FTO: variants seen among roughly 807,000 people sequenced by gnomAD.
FTO encodes the protein FTO alpha-ketoglutarate dependent dioxygenase, also known as alpha-ketoglutarate-dependent dioxygenase FTO.
A neutral mutation model predicts 63.9 loss-of-function variants in FTO; 47 were observed. The observed-to-expected ratio is 0.74, with a 90% CI of 0.58 to 0.94. FTO has a LOEUF of 0.94. FTO is among the 40% of genes least tolerant of loss of function. The pLI is 0.00. For synonymous variants in FTO, 207 were observed against 224.4 expected, an observed-to-expected ratio of 0.92 and a Z score of 0.69; for missense variants, 562 against 618.1, an observed-to-expected ratio of 0.91 and a Z score of 0.96.
chr16:54,096,233 G>T (rs1293074335), intron 8 of FTO, among the ~76,000 whole-genome samples: 1 of 152,214 alleles, frequency 6.6e-6, no homozygotes, highest in Non-Finnish European at 1.5e-5. Context: ...ATTTATGTGG[G>T]ACAAAGCAAT....
chr16:53,906,581 A>G (rs896432700), intron 7 of FTO, among the ~76,000 whole-genome samples: 1 of 152,224 alleles, frequency 6.6e-6, no homozygotes, highest in Non-Finnish European at 1.5e-5. Flanking sequence ...GGAAGATGGT[A>G]GGATACATTT....
upstream of FTO, chr16:53,704,041 A>T (rs1029400160): frequency 2.2e-6 from 2 of 889,192 alleles, no homozygotes; most frequent in East Asian, 5.3e-5. Flanking sequence ...GCCGCGGTGC[A>T]TCCTGGGAGT....
intron 7 of FTO, among the ~76,000 whole-genome samples, chr16:53,892,346 A>G (rs1196849271): frequency 6.6e-6 from 1 of 152,146 alleles, no homozygotes; most frequent in Non-Finnish European, 1.5e-5. Context: ...AACTGTCAAG[A>G]ATTATCCCTG....
rs1313231412 is a variant in FTO at position 54,119,559 on chromosome 16, C to T, written c.*7644C>T. 1 of 151,980 alleles carries T rather than the reference C, an allele frequency of 6.6e-6. No individual in the cohort carries two copies. The highest frequency in any genetic ancestry group is 1.5e-5 in the Non-Finnish European group (1 of 67,988). 9.4% of individuals were successfully genotyped at this position (151,980 alleles called of 1,614,324 possible). On this transcript the variant is annotated 3_prime_UTR_variant, in exon 9 of 9. Coordinates refer to ENST00000471389, the MANE Select transcript of FTO (RefSeq NM_001080432.3). ...TCCCTCCTCTGCTCCCAACCAGGGTCACGCTGAGAGGGATCTCGGTGAACA... is the reference window on the plus strand; with the variant it reads ...TCCCTCCTCTGCTCCCAACCAGGGTTACGCTGAGAGGGATCTCGGTGAACA...
intron 8 of FTO, among the ~76,000 whole-genome samples, chr16:54,110,319 T>C (rs1224562800): frequency 6.6e-6 from 1 of 152,198 alleles, no homozygotes; most frequent in Non-Finnish European, 1.5e-5. Flanking sequence ...AATGAGAACA[T>C]TTAAACACAT....
chr16:54,024,932 C>A (rs1451635031), intron 8 of FTO, among the ~76,000 whole-genome samples: 20 of 152,292 alleles, frequency 1.3e-4, no homozygotes, highest in African/African-American at 4.8e-4. Flanking sequence ...TCAGTAACTT[C>A]TGTATTTAAT....
chr16:53,775,013 T>C (rs1234434798), intron 1 of FTO, among the ~76,000 whole-genome samples: 1 of 152,162 alleles, frequency 6.6e-6, no homozygotes, highest in African/African-American at 2.4e-5. Context: ...GATTCTCACA[T>C]GCCGCCATTA....
At chr16:53,797,494 A>G (rs1175845846) in intron 1 of FTO, among the ~76,000 whole-genome samples, 1 of 152,014 alleles carries the variant, frequency 6.6e-6, no homozygotes, top group African/African-American at 2.4e-5. Flanking sequence ...TCACTAATTC[A>G]TTCCTTTTTA....
intron 8 of FTO, among the ~76,000 whole-genome samples, chr16:54,102,097 C>G (rs1276484301): frequency 6.6e-6 from 1 of 152,128 alleles, no homozygotes; most frequent in Admixed American, 6.6e-5. Context: ...ACATTTTCTC[C>G]CATTCTGCAG....
intron 3 of FTO, among the ~76,000 whole-genome samples, chr16:53,836,243 T>C (rs1171470008): frequency 6.6e-6 from 1 of 152,194 alleles, no homozygotes; most frequent in African/African-American, 2.4e-5. Flanking sequence ...AACATACAGC[T>C]TGAAGAATTG....
chr16:53,975,380 T>G (rs2083413432), intron 8 of FTO, among the ~76,000 whole-genome samples: 1 of 152,120 alleles, frequency 6.6e-6, no homozygotes, highest in Non-Finnish European at 1.5e-5. Flanking sequence ...TCTTTAATAT[T>G]TTTTGACTTT....
intron 8 of FTO, among the ~76,000 whole-genome samples, chr16:54,073,728 A>C (rs1313256972): frequency 6.6e-6 from 1 of 151,990 alleles, no homozygotes; most frequent in African/African-American, 2.4e-5. Context: ...GATTACAAGC[A>C]TGTGCATTGC....
At chr16:54,024,904 A>G (rs1361536952) in intron 8 of FTO, among the ~76,000 whole-genome samples, 1 of 152,254 alleles carries the variant, frequency 6.6e-6, no homozygotes, top group East Asian at 1.9e-4. Flanking sequence ...GAAGCTAACT[A>G]GTCAATAGAT....
intron 2 of FTO, among the ~76,000 whole-genome samples, chr16:53,823,842 G>A (rs942603223): frequency 1.3e-5 from 2 of 152,036 alleles, no homozygotes; most frequent in African/African-American, 4.8e-5. Context: ...CCAAGATCAT[G>A]CCATTGCACT....
At chr16:53,885,065 C>G (rs1440852534) in intron 6 of FTO, among the ~76,000 whole-genome samples, 1 of 152,206 alleles carries the variant, frequency 6.6e-6, no homozygotes, top group Non-Finnish European at 1.5e-5. Context: ...ACCACTTCAT[C>G]AGTCAGTCAA....
intron 2 of FTO, among the ~76,000 whole-genome samples, chr16:53,821,322 C>T (rs1157858491): frequency 3.3e-5 from 5 of 152,060 alleles, no homozygotes; most frequent in Non-Finnish European, 7.4e-5. Flanking sequence ...AAGAAATTAC[C>T]TTCTTCATCA....
At chr16:53,901,239 T>C (rs376242589) in intron 7 of FTO, among the ~76,000 whole-genome samples, 6 of 152,226 alleles carry the variant, frequency 3.9e-5, no homozygotes, top group Admixed American at 2.6e-4. Context: ...TTTTCTCTGA[T>C]AAATTGAATA....
At chr16:53,992,749 C>T (rs1479074540) in intron 8 of FTO, 1 of 152,112 alleles carries the variant, frequency 6.6e-6, no homozygotes, top group Non-Finnish European at 1.5e-5. Context: ...GCGGTTTATT[C>T]CCCTCTGGCT....
rs1403292012 is a variant in FTO, at chr16:54,120,187, A to G, written c.*8272A>G. 1.3e-5 allele frequency: 2 copies of G among 152,244 alleles called. No individual in the cohort carries two copies. The highest frequency in any genetic ancestry group is 4.8e-5 in the African/African-American group (2 of 41,460). 9.4% of individuals were successfully genotyped at this position (152,244 alleles called of 1,614,324 possible). ...CAAAACTCTGTACCCAGCAGAAAAC[A>G]ATAGATGTGTGGCTGTGTCAGGGGC... is the stretch of plus-strand genomic sequence containing the variant. On this transcript the variant is annotated 3_prime_UTR_variant, in exon 9 of 9. Transcript: ENST00000471389.
Sources: allele counts gnomAD v4.1 joint callset (sites outside exome capture counted in the v4.1 genomes callset), GRCh38; gene constraint gnomAD v4.1.1; transcripts MANE v1.5; gene names NCBI Gene and HGNC (gene_info 2026-07-23, HGNC 2026-07-21).